Variants in GRM1 observed in about 807,000 individuals in gnomAD.
GRM1 encodes the protein glutamate metabotropic receptor 1.
In GRM1, 33 loss-of-function variants were observed where a neutral mutation model predicts 90.9. That is an observed-to-expected ratio of 0.36 (90% CI 0.28 to 0.49). The LOEUF (loss-of-function observed/expected upper bound fraction) is 0.49, where lower values mean the gene tolerates loss of function less well. Ranked by LOEUF, GRM1 falls within the 20% of genes least tolerant of loss-of-function variation. The probability of loss-of-function intolerance (pLI) is 0.99; values close to 1 mark genes in which losing one functional copy is unlikely to be tolerated. For missense variants in GRM1, 1,190 were observed against 1,534.3 expected, an observed-to-expected ratio of 0.78 and a Z score of 3.75; for synonymous variants, 700 against 613.2, an observed-to-expected ratio of 1.14 and a Z score of -2.09.
chr6:146,127,276 G>A (rs1303018902), intron 1 of GRM1, among the ~76,000 whole-genome samples: 3 of 152,272 alleles, frequency 2.0e-5, no homozygotes, highest in Non-Finnish European at 4.4e-5. Flanking sequence ...TAAGAGAGGG[G>A]TTATGTACCT....
intron 1 of GRM1, among the ~76,000 whole-genome samples, chr6:146,153,456 A>G (rs1378041185): frequency 1.3e-5 from 2 of 152,156 alleles, no homozygotes; most frequent in African/African-American, 2.4e-5. Context: ...TTAGTGCTGC[A>G]CTCATGGGAA....
chr6:146,378,874 G>A lies in GRM1; in HGVS notation c.1603-8016G>A, dbSNP rs372288832. On this transcript the variant is annotated intron_variant, in intron 5 of 7. Transcript: ENST00000282753. ...GTGCTGTTCTTGTGATAGTGAAGAA[G>A]TGAATGATTTTATAAAGGTGAGTTT... Among the ~76,000 whole-genome samples, 75 of 152,242 alleles carry A rather than the reference G, an allele frequency of 4.9e-4. 1 individual carries two copies. In the South Asian group the frequency reaches 0.011, roughly 22 times the overall value.
At position 146,434,027 on chromosome 6, in the gene GRM1, G is replaced by A. The variant is rs766162623; in HGVS notation, c.2816G>A (p.Gly939Asp). The A allele has an allele frequency of 3.7e-6, 6 of 1,614,162 alleles. No individual in the cohort carries two copies. In the South Asian group the frequency reaches 6.6e-5, roughly 18 times the overall value. Residue 939 changes from glycine to aspartate, a missense_variant, in exon 8 of 8, where the codon GGC becomes GAC. Gly to Asp is a moderately conservative substitution (Grantham distance 94). Coordinates refer to ENST00000282753, the MANE Select transcript of GRM1 (RefSeq NM_001278064.2). ...AAGCCCCTCACTAAAAGTTACCAAG[G>A]CTCTGGCAAGAGCCTGACCTTTTCA... Reference protein sequence around the residue: ...VIKPLTKSYQGSGKSLTFSDT... With the variant: ...VIKPLTKSYQDSGKSLTFSDT...
chr6:146,361,374 G>A (rs1775463677), intron 5 of GRM1, among the ~76,000 whole-genome samples: 1 of 152,198 alleles, frequency 6.6e-6, no homozygotes, highest in Admixed American at 6.5e-5. Flanking sequence ...GAGAGTCTGG[G>A]GCAACAGATA....
intron 4 of GRM1, among the ~76,000 whole-genome samples, chr6:146,353,738 C>T (rs1242425606): frequency 6.6e-6 from 1 of 152,138 alleles, no homozygotes; most frequent in Non-Finnish European, 1.5e-5. Context: ...CAAGTGATTC[C>T]CCTGTCTCAG....
At chr6:146,135,020 A>G (rs1025329479) in intron 1 of GRM1, among the ~76,000 whole-genome samples, 6 of 152,312 alleles carry the variant, frequency 3.9e-5, no homozygotes, top group East Asian at 1.9e-4. Context: ...CCCTCAACAT[A>G]TGATGATTAC....
At chr6:146,096,904 G>A (rs1212181551) in intron 1 of GRM1, among the ~76,000 whole-genome samples, 2 of 152,074 alleles carry the variant, frequency 1.3e-5, no homozygotes, top group African/African-American at 4.8e-5. Context: ...TATTTGGTCT[G>A]AAAACACTCT....
chr6:146,404,518 G>C (rs527459107), intron 7 of GRM1, among the ~76,000 whole-genome samples: 1 of 152,296 alleles, frequency 6.6e-6, no homozygotes, highest in African/African-American at 2.4e-5. Flanking sequence ...GGATTGGAAA[G>C]ATCTTCGAGT....
At chr6:146,086,530 C>T (rs997240145) in intron 1 of GRM1, among the ~76,000 whole-genome samples, 4 of 151,944 alleles carry the variant, frequency 2.6e-5, no homozygotes, top group Non-Finnish European at 5.9e-5. Flanking sequence ...ATTTACACCT[C>T]TGGACTGGCA....
chr6:146,051,289 C>T (rs1791513879), intron 1 of GRM1, among the ~76,000 whole-genome samples: 1 of 152,046 alleles, frequency 6.6e-6, no homozygotes, highest in Admixed American at 6.6e-5. Context: ...TAAACATACA[C>T]ACATAAGCTA....
At chr6:146,192,783 T>C (rs1357358629) in intron 2 of GRM1, among the ~76,000 whole-genome samples, 1 of 152,184 alleles carries the variant, frequency 6.6e-6, no homozygotes, top group Non-Finnish European at 1.5e-5. Flanking sequence ...CAAAAAGTAT[T>C]TTTGTGAAAC....
At chr6:146,162,292 G>A (rs1777757151) in intron 2 of GRM1, among the ~76,000 whole-genome samples, 2 of 149,872 alleles carry the variant, frequency 1.3e-5, no homozygotes, top group Admixed American at 6.6e-5. Context: ...GGTGTAGATA[G>A]CAGCAGGAGA....
chr6:146,292,333 T>C (rs1049816345), intron 2 of GRM1, among the ~76,000 whole-genome samples: 1 of 151,998 alleles, frequency 6.6e-6, no homozygotes, highest in Non-Finnish European at 1.5e-5. Flanking sequence ...GAAAAGACAT[T>C]ATCAAGAAAG....
intron 1 of GRM1, among the ~76,000 whole-genome samples, chr6:146,126,267 A>G (rs1441490177): frequency 1.3e-5 from 2 of 152,188 alleles, no homozygotes; most frequent in Non-Finnish European, 2.9e-5. Context: ...AACATAGTTC[A>G]TATTGATGAC....
In GRM1 at chr6:146,229,809, T is replaced by A. The variant is rs142314717; in HGVS notation, c.950+70212T>A. Among the ~76,000 whole-genome samples the A allele has an allele frequency of 2.9e-4, 44 of 152,300 alleles. 1 individual carries two copies. In the East Asian group the frequency reaches 7.5e-3, roughly 26 times the overall value. ...TACTGAGTGTTTATGCTAAGACTTATATACACACTTAATGAATAAACCCAT... is the reference window on the plus strand; with the variant it reads ...TACTGAGTGTTTATGCTAAGACTTAAATACACACTTAATGAATAAACCCAT... On this transcript the variant is annotated intron_variant, in intron 2 of 7. Transcript: ENST00000282753.
At chr6:146,090,561 A>T (rs1268766842) in intron 1 of GRM1, among the ~76,000 whole-genome samples, 4 of 151,934 alleles carry the variant, frequency 2.6e-5, no homozygotes, top group Non-Finnish European at 5.9e-5. Context: ...AGCAAAATAA[A>T]CTCTCTTAAC....
intron 5 of GRM1, among the ~76,000 whole-genome samples, chr6:146,384,926 A>G (rs1328061192): frequency 6.6e-6 from 1 of 152,050 alleles, no homozygotes; most frequent in Non-Finnish European, 1.5e-5. Flanking sequence ...TGAAAAACAT[A>G]GCAATAGGAA....
intron 7 of GRM1, among the ~76,000 whole-genome samples, chr6:146,422,872 A>G (rs1321184561): frequency 6.6e-6 from 1 of 151,698 alleles, no homozygotes; most frequent in African/African-American, 2.4e-5. Context: ...CCATCAGTGT[A>G]TGACAAGCAG....
At chr6:146,028,804 C>G (rs1407185311), upstream of GRM1, among the ~76,000 whole-genome samples, 1 of 152,126 alleles carries the variant, frequency 6.6e-6, no homozygotes, top group Non-Finnish European at 1.5e-5. Context: ...CAATGAGTTT[C>G]CAAATTTTCT....
Sources: gnomAD v4.1 joint callset for allele counts (sites outside exome capture counted in the v4.1 genomes callset) on GRCh38, gnomAD v4.1.1 for gene constraint, MANE v1.5 for transcripts, NCBI Gene and HGNC (gene_info 2026-07-23, HGNC 2026-07-21) for gene names.